The following SCN8A variants were observed in gnomAD, a reference collection of about 807,000 sequenced individuals.
The protein encoded by SCN8A is sodium channel protein type 8 subunit alpha.
In SCN8A, 30 loss-of-function variants were observed where a neutral mutation model predicts 184.1. The ratio of observed to expected loss-of-function variants is 0.16; its 90% confidence interval spans 0.12 to 0.22. The LOEUF (loss-of-function observed/expected upper bound fraction) is 0.22, where lower values mean the gene tolerates loss of function less well. Among genes scored for constraint, SCN8A ranks in the 10% least tolerant of loss-of-function variants. SCN8A has a pLI of 1.00. For synonymous variants in SCN8A, 852 were observed against 907.0 expected, an observed-to-expected ratio of 0.94 and a Z score of 1.09; for missense variants, 1,057 against 2,498.9, an observed-to-expected ratio of 0.42 and a Z score of 12.30.
chr12:51,642,724 C>T (rs1212258168), intron 1 of SCN8A, among the ~76,000 whole-genome samples: 1 of 151,510 alleles, frequency 6.6e-6, no homozygotes, highest in Non-Finnish European at 1.5e-5. Flanking sequence ...TACCTCAGGC[C>T]TTCCCATCGT....
At chr12:51,697,052 AATG>A (rs1941606297) in intron 6 of SCN8A, among the ~76,000 whole-genome samples, 1 of 150,580 alleles carries the variant, frequency 6.6e-6, no homozygotes, top group Non-Finnish European at 1.5e-5. Context: ...AAAAAAAAAA[AATG>A]AAAAAGAAAC....
chr12:51,645,960 A>T (rs201255438), intron 1 of SCN8A, among the ~76,000 whole-genome samples: 3,161 of 14,514 alleles, frequency 0.22, 77 homozygotes, highest in African/African-American at 0.27. Flanking sequence ...TAAAAAAAAA[A>T]AAAAATAATA....
At chr12:51,614,418 A>C (rs969971854) in intron 1 of SCN8A, among the ~76,000 whole-genome samples, 1 of 152,090 alleles carries the variant, frequency 6.6e-6, no homozygotes, top group African/African-American at 2.4e-5. Context: ...CTGTCGGTTC[A>C]TATTTTCATG....
At chr12:51,768,306 T>C (rs1942868436) in intron 16 of SCN8A, 1 of 152,240 alleles carries the variant, frequency 6.6e-6, no homozygotes, top group African/African-American at 2.4e-5. Context: ...AAAGTCACCA[T>C]CACTGTCTTG....
chr12:51,685,890 A>G (rs1204945285), intron 3 of SCN8A, among the ~76,000 whole-genome samples: 2 of 152,214 alleles, frequency 1.3e-5, no homozygotes, highest in Non-Finnish European at 2.9e-5. Context: ...AACAACAACT[A>G]TGGAAAAAAA....
At chr12:51,775,194 T>A (rs1210612722) in intron 20 of SCN8A, among the ~76,000 whole-genome samples, 4 of 152,204 alleles carry the variant, frequency 2.6e-5, no homozygotes, top group African/African-American at 9.6e-5. Context: ...TGTGGAAAAT[T>A]TACTTCCTTC....
chr12:51,652,550 A>T (rs1249637899), intron 1 of SCN8A, among the ~76,000 whole-genome samples: 1 of 152,174 alleles, frequency 6.6e-6, no homozygotes, highest in Non-Finnish European at 1.5e-5. Context: ...CTGATGTGGT[A>T]CTTGATTACC....
rs988195570 is a variant in SCN8A, at chr12:51,753,373, G to A, written c.2370+1780G>A. Among the ~76,000 whole-genome samples, 7 of 152,148 alleles carry A rather than the reference G, an allele frequency of 4.6e-5. 1 individual carries two copies. The highest frequency in any genetic ancestry group is 4.6e-4 in the Admixed American group (7 of 15,280). On this transcript the variant is annotated intron_variant, in intron 14 of 26. Transcript: ENST00000627620. ...AAATCAAGAATGGTGCCTCGATGTG[G>A]GGGTTTAATAACTGAGGGAAAAGTG...
intron 16 of SCN8A, among the ~76,000 whole-genome samples, chr12:51,767,504 T>C (rs1942856466): frequency 6.6e-6 from 1 of 152,192 alleles, no homozygotes; most frequent in Non-Finnish European, 1.5e-5. Flanking sequence ...TTTCTGTGGA[T>C]ATCTTTCTTC....
chr12:51,655,700 A>T (rs968813491), intron 1 of SCN8A, among the ~76,000 whole-genome samples: 2 of 152,104 alleles, frequency 1.3e-5, no homozygotes, highest in Non-Finnish European at 2.9e-5. Flanking sequence ...ATCCTCCTGG[A>T]CAACCAAAAG....
intron 1 of SCN8A, among the ~76,000 whole-genome samples, chr12:51,652,183 G>A (rs866895604): frequency 5.3e-5 from 8 of 151,820 alleles, no homozygotes; most frequent in African/African-American, 1.5e-4. Flanking sequence ...TCCTTGTCTC[G>A]GTGAATTTCA....
intron 1 of SCN8A, among the ~76,000 whole-genome samples, chr12:51,642,897 G>A (rs1006799516): frequency 2.0e-5 from 3 of 151,830 alleles, no homozygotes; most frequent in Non-Finnish European, 4.4e-5. Context: ...CTGCTCTTCG[G>A]CCTGTTAGCG....
chr12:51,592,829 T>C (rs373664129), intron 1 of SCN8A, among the ~76,000 whole-genome samples: 4 of 152,124 alleles, frequency 2.6e-5, no homozygotes, highest in Non-Finnish European at 5.9e-5. Context: ...GGGGATGTTT[T>C]AGCTTTCCAA....
rs770263378 is a variant in SCN8A at position 51,769,313 on chromosome 12, C to A, written c.3350C>A (p.Ser1117Ter). The part of the protein sequence containing the change: ...NLNTEDVSSE[S>*]DPEGSKDKLD... ...AACACAGAGGATGTTAGCAGCGAGT[C>A]GGATCCTGAAGGCAGCAAAGATGTA... is the stretch of plus-strand genomic sequence containing the variant. Residue 1117 changes from serine (S) to a stop codon, truncating the protein, a stop_gained, in exon 17 of 27, where the codon TCG (serine) becomes TAG (stop). Transcript: ENST00000627620. LOFTEE classifies it high-confidence loss of function. 1 of 1,594,024 alleles carries A rather than the reference C, an allele frequency of 6.3e-7. No individual in the cohort carries two copies. Among genetic ancestry groups the A allele is most frequent in the South Asian group, 1.1e-5 (1 of 88,374 alleles).
intron 11 of SCN8A, among the ~76,000 whole-genome samples, chr12:51,707,159 A>G (rs960914532): frequency 6.6e-6 from 1 of 152,200 alleles, no homozygotes; most frequent in African/African-American, 2.4e-5. Flanking sequence ...TATTGTAAAT[A>G]GTACTACAAT....
At chr12:51,604,767 C>T (rs1302990139) in intron 1 of SCN8A, among the ~76,000 whole-genome samples, 1 of 151,862 alleles carries the variant, frequency 6.6e-6, no homozygotes, top group Non-Finnish European at 1.5e-5. Flanking sequence ...CTCCTGATCT[C>T]AGGTGATCCG....
chr12:51,707,833 A>C (rs559340329), intron 11 of SCN8A, among the ~76,000 whole-genome samples: 2 of 152,318 alleles, frequency 1.3e-5, no homozygotes, highest in South Asian at 4.1e-4. Flanking sequence ...AAGCCTAAAA[A>C]CATCTGGTTT....
intron 1 of SCN8A, among the ~76,000 whole-genome samples, chr12:51,606,546 G>A (rs111791195): frequency 0.013 from 1,954 of 152,168 alleles, 59 homozygotes; most frequent in African/African-American, 0.045. Flanking sequence ...TGTTCTTTTT[G>A]CTTAGTCTTG....
At chr12:51,649,062 A>G (rs1467539757) in intron 1 of SCN8A, among the ~76,000 whole-genome samples, 1 of 152,152 alleles carries the variant, frequency 6.6e-6, no homozygotes, top group Non-Finnish European at 1.5e-5. Context: ...GCCAAAACAA[A>G]GGGGTTATAT....
Sources: gnomAD v4.1 joint callset for allele counts (sites outside exome capture counted in the v4.1 genomes callset) on GRCh38, gnomAD v4.1.1 for gene constraint, MANE v1.5 for transcripts, NCBI Gene and HGNC (gene_info 2026-07-23, HGNC 2026-07-21) for gene names.